The following PHF20 variants were observed in gnomAD, a reference collection of about 807,000 sequenced individuals.
PHF20 encodes PHD finger protein 20.
A neutral mutation model predicts 113.5 loss-of-function variants in PHF20; 23 were observed. The ratio of observed to expected loss-of-function variants is 0.20; its 90% CI spans 0.15 to 0.29. The LOEUF is 0.29. Among genes scored for constraint, PHF20 ranks in the 10% least tolerant of loss-of-function variants. The pLI is 1.00. For synonymous variants in PHF20, 434 were observed against 457.3 expected (o/e 0.95, Z 0.65); for missense variants, 943 against 1,219.6 (o/e 0.77, Z 3.38).
intron 1 of PHF20, among the ~76,000 whole-genome samples, chr20:35,793,321 CAA>C (rs1423219678): frequency 2.0e-4 from 29 of 145,894 alleles, no homozygotes; most frequent in Non-Finnish European, 2.4e-4. Context: ...TTTTTTGAGA[CAA>C]GAGTCTCGCT....
chr20:35,806,027 G>C (rs1326554547), intron 2 of PHF20, among the ~76,000 whole-genome samples: 1 of 151,828 alleles, frequency 6.6e-6, no homozygotes, highest in Non-Finnish European at 1.5e-5. Flanking sequence ...ACCACACCCA[G>C]CTAATTTTTG....
intron 2 of PHF20, among the ~76,000 whole-genome samples, chr20:35,834,303 A>G (rs1411756846): frequency 8.1e-6 from 1 of 122,904 alleles, no homozygotes; most frequent in African/African-American, 3.2e-5. Context: ...CCCAGTCTGG[A>G]GTGCAGTGGT....
chr20:35,786,972 TATTG>T (rs1645927841), intron 1 of PHF20, among the ~76,000 whole-genome samples: 1 of 151,456 alleles, frequency 6.6e-6, no homozygotes, highest in Non-Finnish European at 1.5e-5. Context: ...AGGTGGATGA[TATTG>T]ATCTCTTTCC....
chr20:35,863,139 A>T lies in PHF20; in HGVS notation c.547A>T (p.Lys183Ter), dbSNP rs544071911. 6.2e-7 allele frequency: 1 copy of T among 1,614,006 alleles called. No individual in the cohort carries two copies. Among genetic ancestry groups the T allele is most frequent in the African/African-American group, 1.3e-5 (1 of 75,028 alleles). The change falls in exon 6 of 18, where the codon AAA becomes TAA. Residue 183 changes from lysine to a stop codon, truncating the protein, a stop_gained. Coordinates refer to ENST00000374012, the MANE Select transcript of PHF20 (RefSeq NM_016436.5). LOFTEE classifies it high-confidence loss of function. ...GAATGTGAAGAAAGACAAAGAAGAT[A>T]AACCCTTAAAGACAGAAAAGCGACC... ...TVNVKKDKED[K>*]PLKTEKRPKQ...
intron 2 of PHF20, among the ~76,000 whole-genome samples, chr20:35,802,317 G>A (rs568279527): frequency 6.6e-6 from 1 of 151,922 alleles, no homozygotes; most frequent in South Asian, 2.1e-4. Context: ...GTGAGCGTGG[G>A]GTTTTCAGAA....
intron 15 of PHF20, among the ~76,000 whole-genome samples, chr20:35,934,073 A>T (rs1419426334): frequency 2.0e-5 from 3 of 152,196 alleles, no homozygotes; most frequent in Non-Finnish European, 4.4e-5. Flanking sequence ...ACAGTGGCAG[A>T]CTAGTGCGAT....
chr20:35,836,542 A>G (rs1223170858), intron 2 of PHF20, among the ~76,000 whole-genome samples: 3 of 152,174 alleles, frequency 2.0e-5, no homozygotes, highest in South Asian at 4.1e-4. Context: ...ATCTTTAAAA[A>G]AGTTTTTTAA....
intron 1 of PHF20, among the ~76,000 whole-genome samples, chr20:35,800,673 A>C (rs2146863013): frequency 6.6e-6 from 1 of 152,234 alleles, no homozygotes; most frequent in East Asian, 1.9e-4. Flanking sequence ...CAGGAGGCCT[A>C]GGCTCCAGAA....
chr20:35,939,198 A>T (rs2055930185), intron 16 of PHF20, 90 bp downstream of exon 16: 1 of 1,336,228 alleles, frequency 7.5e-7, no homozygotes, highest in Non-Finnish European at 1.0e-6. Context: ...GAAGATATTT[A>T]TTAATAAAAC....
intron 13 of PHF20, among the ~76,000 whole-genome samples, chr20:35,927,328 A>G (rs1306946647): frequency 6.6e-6 from 1 of 152,196 alleles, no homozygotes; most frequent in African/African-American, 2.4e-5. Context: ...ACATAAAGCT[A>G]TGTGCTGGGC....
Position 35,918,273 on chromosome 20 carries a change from A to C in PHF20, c.2004+611A>C, listed in dbSNP as rs548731291. ...TGGCTGGCTGGCTCCTAAGGGTGTC[A>C]CAAGTTCCCTGGGTGTCTTGACAGC... is the stretch of plus-strand genomic sequence containing the variant. On this transcript the variant is annotated intron_variant, in intron 13 of 17. Transcript: ENST00000374012. 2.0e-5 allele frequency among the ~76,000 whole-genome samples: 3 copies of C among 152,208 alleles called. No homozygotes were observed. The East Asian group carries it at 5.8e-4, about 29-fold the overall frequency.
chr20:35,813,959 G>GAAAAAAAAAAAAAAAAAAAAA (rs2042022207), intron 2 of PHF20, among the ~76,000 whole-genome samples: 1 of 136,164 alleles, frequency 7.3e-6, no homozygotes, highest in African/African-American at 2.8e-5. Context: ...AAAAAAAAAG[G>GAAAAAAAAAAAAAAAAAAAAA]AAATTGACCT....
chr20:35,907,750 T>A (rs1011920125), intron 10 of PHF20, among the ~76,000 whole-genome samples: 1 of 152,254 alleles, frequency 6.6e-6, no homozygotes, highest in Non-Finnish European at 1.5e-5. Context: ...ACTTGGTTTA[T>A]GGCCAAGCAT....
chr20:35,846,917 G>A (rs2042635305), intron 3 of PHF20, among the ~76,000 whole-genome samples: 1 of 152,158 alleles, frequency 6.6e-6, no homozygotes, highest in Admixed American at 6.5e-5. Context: ...CAGCTTTCAT[G>A]CTGTGTCATA....
chr20:35,788,397 A>G (rs1381617133), intron 1 of PHF20, among the ~76,000 whole-genome samples: 1 of 148,662 alleles, frequency 6.7e-6, no homozygotes, highest in African/African-American at 2.5e-5. Context: ...TGCCTGGCCT[A>G]TTTTTTTTAT....
rs368676517 is a variant in PHF20, at chr20:35,871,087, C to T, written c.1055C>T (p.Thr352Met). Residue 352 changes from threonine (T) to methionine (M), a missense_variant, in exon 8 of 18, where the codon ACG (threonine) becomes ATG (methionine). Coordinates refer to ENST00000374012, the MANE Select transcript of PHF20 (RefSeq NM_016436.5). ...PDLVVSDLVD[T>M]DPLQDTLSST... ...TTGGTTGTATCAGATTTGGTTGATACGGATCCTTTGCAAGACACGTTGTCT... is the reference window on the plus strand; with the variant it reads ...TTGGTTGTATCAGATTTGGTTGATATGGATCCTTTGCAAGACACGTTGTCT... 1.7e-5 allele frequency: 28 copies of T among 1,612,824 alleles called. No homozygotes were observed. Among genetic ancestry groups the T allele is most frequent in the Admixed American group, 1.2e-4 (7 of 59,586 alleles).
At chr20:35,812,002 T>C (rs2146884215) in intron 2 of PHF20, among the ~76,000 whole-genome samples, 1 of 148,548 alleles carries the variant, frequency 6.7e-6, no homozygotes, top group East Asian at 2.0e-4. Flanking sequence ...CTCGATCTCC[T>C]GACCTCGTGA....
intron 1 of PHF20, among the ~76,000 whole-genome samples, chr20:35,777,449 T>C (rs571993431): frequency 3.9e-5 from 6 of 152,378 alleles, no homozygotes; most frequent in Admixed American, 3.9e-4. Flanking sequence ...TATGTCTTCC[T>C]GGATTGTAAA....
At chr20:35,791,901 G>A (rs1795166363) in intron 1 of PHF20, among the ~76,000 whole-genome samples, 1 of 152,108 alleles carries the variant, frequency 6.6e-6, no homozygotes, top group Non-Finnish European at 1.5e-5. Context: ...GACAAAAGGA[G>A]AAGGAACTTG....
Sources: gnomAD v4.1 joint callset for allele counts (sites outside exome capture counted in the v4.1 genomes callset) on GRCh38, gnomAD v4.1.1 for gene constraint, MANE v1.5 for transcripts, NCBI Gene and HGNC (gene_info 2026-07-23, HGNC 2026-07-21) for gene names.